COMMD7: variants seen among roughly 807,000 people sequenced by gnomAD.
The protein encoded by COMMD7 is COMM domain-containing protein 7.
In COMMD7, 28 loss-of-function variants were observed where a neutral mutation model predicts 34.8. The ratio of observed to expected loss-of-function variants is 0.80; its 90% CI spans 0.60 to 1.10. The LOEUF is 1.10. COMMD7 is among the 50% of genes least tolerant of loss of function. The probability of loss-of-function intolerance (pLI) is 0.00; values close to 1 mark genes in which losing one functional copy is unlikely to be tolerated. For synonymous variants in COMMD7, 80 were observed against 86.4 expected (o/e 0.93, Z 0.41); for missense variants, 211 against 241.6 (o/e 0.87, Z 0.84).
rs760420203 is a variant in COMMD7 at position 32,704,083 on chromosome 20, A to C, written c.478-12T>G. 6.4e-7 allele frequency: 1 copy of C among 1,570,250 alleles called. No homozygotes were observed. Among genetic ancestry groups the C allele is most frequent in the East Asian group, 2.2e-5 (1 of 44,536 alleles). On this transcript the variant is annotated splice_polypyrimidine_tract_variant and intron_variant, in intron 7 of 8. Coordinates refer to ENST00000278980, the MANE Select transcript of COMMD7 (RefSeq NM_053041.3). ...ACCACCAACTTTAGCTGATGAAAGA[A>C]AAAGAAATAATTTAAATTAAAATGA...
Position 32,725,435 on chromosome 20 carries a change from T to TG in COMMD7, c.241+2457_241+2458insC, listed in dbSNP as rs1440536951. ...TATAGCTCTATACTGTGTTTTGTTT[T>TG]TTTTTTTTTTTGAGACGGAGTGTTG... On this transcript the variant is annotated intron_variant, in intron 3 of 8. Transcript: ENST00000278980. 4.4e-3 allele frequency among the ~76,000 whole-genome samples: 647 copies of TG among 148,708 alleles called. 3 individuals carry two copies. Among genetic ancestry groups the TG allele is most frequent in the African/African-American group, 0.015 (614 of 40,640 alleles).
At chr20:32,727,373 C>T (rs1985569088) in intron 3 of COMMD7, among the ~76,000 whole-genome samples, 1 of 151,518 alleles carries the variant, frequency 6.6e-6, no homozygotes, top group South Asian at 2.1e-4. Context: ...ATGGTCTCTA[C>T]TAAAAATAAA....
At chr20:32,739,489 C>G (rs1440285449) in intron 1 of COMMD7, among the ~76,000 whole-genome samples, 1 of 151,170 alleles carries the variant, frequency 6.6e-6, no homozygotes, top group African/African-American at 2.4e-5. Flanking sequence ...ACTAAAAATA[C>G]AAAAAATTAG....
At chr20:32,706,462 G>A (rs1418079776) in intron 5 of COMMD7, 121 bp downstream of exon 5, 11 of 748,700 alleles carry the variant, frequency 1.5e-5, no homozygotes, top group South Asian at 7.1e-5. Flanking sequence ...GTGGTGAGCC[G>A]AGATCACACT....
At chr20:32,733,844 G>A (rs73613801) in intron 1 of COMMD7, among the ~76,000 whole-genome samples, 5 of 146,926 alleles carry the variant, frequency 3.4e-5, no homozygotes, top group South Asian at 2.2e-4. Context: ...GAGATTGCAC[G>A]ATTGCACTCC....
In COMMD7 at chr20:32,707,644, A is replaced by C. The variant is rs576015707; in HGVS notation, c.242-884T>G. 4.6e-5 allele frequency among the ~76,000 whole-genome samples: 7 copies of C among 151,772 alleles called. No individual in the cohort carries two copies. In the East Asian group the frequency reaches 1.4e-3, roughly 30 times the overall value. ...GCACATATTTTTTTTTTAATTGTACAACACAATTATTTATCCCTCCAACCA... is the reference window on the plus strand; with the variant it reads ...GCACATATTTTTTTTTTAATTGTACCACACAATTATTTATCCCTCCAACCA... On this transcript the variant is annotated intron_variant, in intron 3 of 8. Transcript: ENST00000278980.
At chr20:32,734,647 G>C (rs1986040996) in intron 1 of COMMD7, among the ~76,000 whole-genome samples, 2 of 151,380 alleles carry the variant, frequency 1.3e-5, no homozygotes, top group Non-Finnish European at 1.5e-5. Flanking sequence ...TAAAAATAAG[G>C]CCAGGCACAG....
chr20:32,743,237 T>TAC, intron 1 of COMMD7, 71 bp downstream of exon 1: 2 of 526,960 alleles, frequency 3.8e-6, no homozygotes, highest in Non-Finnish European at 6.3e-6. Flanking sequence ...CCCCCGGACG[T>TAC]CCCCCCCACC....
At chr20:32,730,164 G>C (rs541258857) in intron 1 of COMMD7, among the ~76,000 whole-genome samples, 125 of 141,798 alleles carry the variant, frequency 8.8e-4, no homozygotes, top group African/African-American at 2.9e-3. Context: ...TCCCTGGCCT[G>C]AGCTGACTGA....
Position 32,728,106 on chromosome 20 carries a change from G to C in COMMD7, c.121C>G (p.Leu41Val). The C allele has an allele frequency of 1.9e-6, 3 of 1,614,104 alleles. No homozygotes were observed. Among genetic ancestry groups the C allele is most frequent in the Non-Finnish European group, 2.5e-6 (3 of 1,180,012 alleles). Residue 41 changes from leucine to valine, a missense_variant, in exon 2 of 9, where the codon CTA becomes GTA. Physicochemically the swap from Leu to Val is conservative, Grantham distance 32 (BLOSUM62 1). Coordinates refer to ENST00000278980, the MANE Select transcript of COMMD7 (RefSeq NM_053041.3). ...TTATTTACCTCTTTTGGCTCAGTTA[G>C]GAAGTGGAAAAGCACCTCTGTCAGG... ...SALTEVLFHF[L>V]TEPKEVERFL... is the part of the protein sequence containing the mutation.
intron 1 of COMMD7, among the ~76,000 whole-genome samples, chr20:32,733,975 G>A (rs1340236612): frequency 6.6e-6 from 1 of 150,898 alleles, no homozygotes; most frequent in African/African-American, 2.4e-5. Flanking sequence ...TCAGGAGACA[G>A]AGACCATCCT....
intron 1 of COMMD7, among the ~76,000 whole-genome samples, chr20:32,736,660 A>G (rs1986142512): frequency 6.6e-6 from 1 of 151,942 alleles, no homozygotes; most frequent in African/African-American, 2.4e-5. Context: ...ATACAGCGAG[A>G]CTCTGACTCA....
intron 3 of COMMD7, among the ~76,000 whole-genome samples, chr20:32,707,975 C>G (rs1984203042): frequency 6.6e-6 from 1 of 152,134 alleles, no homozygotes; most frequent in African/African-American, 2.4e-5. Context: ...GATTACAGAC[C>G]ATTTACATCT....
At chr20:32,721,827 T>C (rs534437934) in intron 3 of COMMD7, among the ~76,000 whole-genome samples, 47 of 149,252 alleles carry the variant, frequency 3.1e-4, no homozygotes, top group Non-Finnish European at 5.2e-4. Flanking sequence ...ATCCGGGAGA[T>C]GGAGGTTTGC....
At chr20:32,730,367 C>T (rs1237065242) in intron 1 of COMMD7, among the ~76,000 whole-genome samples, 1 of 151,886 alleles carries the variant, frequency 6.6e-6, no homozygotes, top group Admixed American at 6.6e-5. Flanking sequence ...CCAGCCTGAC[C>T]AACATGGTGA....
intron 1 of COMMD7, among the ~76,000 whole-genome samples, chr20:32,733,795 G>A (rs1985979932): frequency 6.6e-6 from 1 of 151,092 alleles, no homozygotes; most frequent in South Asian, 2.1e-4. Flanking sequence ...TGAGGCAGGA[G>A]AATTGCTTGA....
At chr20:32,740,065 C>T (rs1986347509) in intron 1 of COMMD7, among the ~76,000 whole-genome samples, 1 of 140,930 alleles carries the variant, frequency 7.1e-6, no homozygotes, top group Admixed American at 6.9e-5. Flanking sequence ...CACCTGTAAT[C>T]CCAAAACTTT....
At chr20:32,704,540 C>CTGATTGAG (rs1983947073) in intron 6 of COMMD7, 51 bp from the exon 7 acceptor site, 1 of 1,578,260 alleles carries the variant, frequency 6.3e-7, no homozygotes. Context: ...TAACAAGTGA[C>CTGATTGAG]TGATTGAGGA....
chr20:32,738,418 C>A (rs1986260381), intron 1 of COMMD7, among the ~76,000 whole-genome samples: 1 of 152,114 alleles, frequency 6.6e-6, no homozygotes, highest in Admixed American at 6.6e-5. Context: ...GAAACCTCAT[C>A]TCTATTAAGA....
Sources: allele counts gnomAD v4.1 joint callset (sites outside exome capture counted in the v4.1 genomes callset), GRCh38; gene constraint gnomAD v4.1.1; transcripts MANE v1.5; gene names NCBI Gene and HGNC (gene_info 2026-07-23, HGNC 2026-07-21).